Variants in C19orf47 observed in about 807,000 individuals in gnomAD.
The protein encoded by C19orf47 is uncharacterized protein C19orf47.
In C19orf47, 18 loss-of-function variants were observed where a neutral mutation model predicts 32.3. The observed-to-expected ratio is 0.56, with a 90% CI of 0.39 to 0.83. The LOEUF is 0.83. C19orf47 is among the 40% of genes least tolerant of loss of function. C19orf47 has a pLI of 0.00. For synonymous variants in C19orf47, 202 were observed against 211.1 expected, an observed-to-expected ratio of 0.96 and a Z score of 0.37; for missense variants, 484 against 531.6, an observed-to-expected ratio of 0.91 and a Z score of 0.88.
At chr19:40,308,554 C>T in the C19orf47 span, among the ~76,000 whole-genome samples, 3 of 151,790 alleles carry the variant, frequency 2.0e-5, no homozygotes, top group African/African-American at 4.8e-5. Context: ...ACCTCCACCT[C>T]CCAGGTTCAA....
At chr19:40,338,517 T>C (rs1249783975) in intron 2 of C19orf47, among the ~76,000 whole-genome samples, 1 of 151,966 alleles carries the variant, frequency 6.6e-6, no homozygotes, top group Non-Finnish European at 1.5e-5. Context: ...CCTGAGTAGC[T>C]AGGATTACAG....
At chr19:40,318,011 T>C (rs1454724542), downstream of C19orf47, among the ~76,000 whole-genome samples, 1 of 152,000 alleles carries the variant, frequency 6.6e-6, no homozygotes, top group African/African-American at 2.4e-5. Context: ...TAAGCCACCA[T>C]GCCAGGTCCA....
At chr19:40,326,537 C>T (rs1320818607) in intron 6 of C19orf47, 51 bp from the exon 7 acceptor site, 2 of 1,587,798 alleles carry the variant, frequency 1.3e-6, no homozygotes, top group Admixed American at 1.7e-5. Context: ...GAACGTTCTC[C>T]CAGGATGGAA....
intron 7 of C19orf47, 24 bp from the exon 8 acceptor site, chr19:40,324,100 G>A: frequency 1.2e-6 from 2 of 1,613,892 alleles, no homozygotes; most frequent in South Asian, 2.2e-5. Flanking sequence ...GAAGCCATCA[G>A]GGAGAGGCCC....
At chr19:40,317,458 G>T (rs909344811), downstream of C19orf47, among the ~76,000 whole-genome samples, 2 of 151,584 alleles carry the variant, frequency 1.3e-5, no homozygotes, top group Non-Finnish European at 2.9e-5. Flanking sequence ...GTGCTTAATA[G>T]AATCAGTGAA....
the C19orf47 span, among the ~76,000 whole-genome samples, chr19:40,295,372 GA>G: frequency 2.0e-5 from 3 of 151,898 alleles, no homozygotes; most frequent in South Asian, 6.2e-4. Flanking sequence ...AAAGAGGACA[GA>G]AAGGGATATA....
At chr19:40,327,221 T>C (rs1464799462) in intron 6 of C19orf47, among the ~76,000 whole-genome samples, 1 of 151,232 alleles carries the variant, frequency 6.6e-6, no homozygotes, top group Non-Finnish European at 1.5e-5. Context: ...ACCATGTTGG[T>C]CAGGCTGCTC....
chr19:40,344,464 G>T (rs1360407479), intron 1 of C19orf47, among the ~76,000 whole-genome samples: 1 of 152,008 alleles, frequency 6.6e-6, no homozygotes, highest in Non-Finnish European at 1.5e-5. Flanking sequence ...GAGTGACAGA[G>T]CAAGACTCTG....
the C19orf47 span, among the ~76,000 whole-genome samples, chr19:40,295,775 C>T: frequency 6.6e-6 from 1 of 151,878 alleles, no homozygotes; most frequent in African/African-American, 2.4e-5. Flanking sequence ...GAGACAGGGT[C>T]TCGCTCTGTC....
chr19:40,327,778 G>A (rs1568610374), intron 6 of C19orf47, among the ~76,000 whole-genome samples: 1 of 152,152 alleles, frequency 6.6e-6, no homozygotes, highest in African/African-American at 2.4e-5. Flanking sequence ...AGCAGTCTGG[G>A]AAGGAAGAGT....
At chr19:40,343,226 C>T (rs2078211491) in intron 1 of C19orf47, among the ~76,000 whole-genome samples, 2 of 152,116 alleles carry the variant, frequency 1.3e-5, no homozygotes, top group South Asian at 4.1e-4. Context: ...GATCCTCCCT[C>T]ACCCCCGCAT....
chr19:40,348,283 C>T, intron 1 of C19orf47, 41 bp downstream of exon 1: 3 of 1,294,442 alleles, frequency 2.3e-6, no homozygotes, highest in Admixed American at 4.2e-5. Flanking sequence ...CCGTCCCTAC[C>T]GCAACCGGCC....
intron 1 of C19orf47, 37 bp from the exon 2 acceptor site, chr19:40,341,927 G>T: frequency 6.5e-7 from 1 of 1,536,114 alleles, no homozygotes; most frequent in East Asian, 2.4e-5. Flanking sequence ...ATGAGCTGCT[G>T]CCGGCTGTGA....
At chr19:40,309,102 G>C in the C19orf47 span, among the ~76,000 whole-genome samples, 2 of 151,932 alleles carry the variant, frequency 1.3e-5, no homozygotes, top group Non-Finnish European at 2.9e-5. Flanking sequence ...AAAATGATCA[G>C]GTTTGTTTGA....
downstream of C19orf47, among the ~76,000 whole-genome samples, chr19:40,317,156 A>C (rs1363626057): frequency 6.6e-6 from 1 of 152,002 alleles, no homozygotes; most frequent in Non-Finnish European, 1.5e-5. Context: ...CTGTTGCCCA[A>C]GTGGAGTTGC....
intron 8 of C19orf47, among the ~76,000 whole-genome samples, chr19:40,323,048 T>C (rs1185274729): frequency 6.6e-6 from 1 of 152,246 alleles, no homozygotes; most frequent in Non-Finnish European, 1.5e-5. Flanking sequence ...GTATGTGCTA[T>C]GCCCTGAAGG....
chr19:40,348,327 G>A lies in C19orf47; in HGVS notation c.-37C>T. The stretch of plus-strand genomic sequence containing the variant: ...CCACCCCCGGCCCGCGCCTCACCTG[G>A]CCCACCGGGCCCGCGCCCACTCGCG... On this transcript the variant is annotated 5_prime_UTR_variant, in exon 1 of 9. Coordinates refer to ENST00000683109, the MANE Select transcript of C19orf47 (RefSeq NM_001256441.2). 1.5e-6 allele frequency: 2 copies of A among 1,351,154 alleles called. No homozygotes were observed. The highest frequency in any genetic ancestry group is 2.7e-4 in the Middle Eastern group (1 of 3,644). The allele number at this position is 1,351,154 out of a possible 1,614,324, so 83.7% of individuals were successfully genotyped here. A position where few individuals can be genotyped will look rare whatever the true frequency, so the allele number is the denominator to read the frequency against.
chr19:40,312,224 A>C, the C19orf47 span, among the ~76,000 whole-genome samples: 1 of 152,060 alleles, frequency 6.6e-6, no homozygotes, highest in African/African-American at 2.4e-5. Flanking sequence ...GCAGAAGTGA[A>C]GCCCTGTGGC....
At chr19:40,298,877 G>C in the C19orf47 span, among the ~76,000 whole-genome samples, 1 of 151,850 alleles carries the variant, frequency 6.6e-6, no homozygotes, top group African/African-American at 2.4e-5. Context: ...GTTGGAAAGA[G>C]AGAATCTTTT....
Sources: allele counts gnomAD v4.1 joint callset (sites outside exome capture counted in the v4.1 genomes callset), GRCh38; gene constraint gnomAD v4.1.1; transcripts MANE v1.5; gene names NCBI Gene and HGNC (gene_info 2026-07-23, HGNC 2026-07-21).